Variants in PHF3 observed in about 807,000 individuals in gnomAD.
PHF3 encodes the protein PHD finger protein 3.
In PHF3, 41 loss-of-function variants were observed where a neutral mutation model predicts 178.4. The observed-to-expected ratio is 0.23, with a 90% CI of 0.18 to 0.30. The LOEUF is 0.30. PHF3 is among the 10% of genes least tolerant of loss of function. The pLI, the probability that PHF3 is intolerant of heterozygous loss-of-function variation, is 1.00. For missense variants in PHF3, 2,346 were observed against 2,398.1 expected (o/e 0.98, Z 0.45); for synonymous variants, 842 against 800.5 (o/e 1.05, Z -0.88).
At chr6:63,704,888 C>G (rs529479616) in intron 11 of PHF3, among the ~76,000 whole-genome samples, 18 of 152,078 alleles carry the variant, frequency 1.2e-4, no homozygotes, top group Admixed American at 6.6e-5. Context: ...TTTGCCTTCC[C>G]GCCAGCAATG....
Position 63,680,093 on chromosome 6 carries a change from A to G in PHF3, c.338A>G (p.Asn113Ser), listed in dbSNP as rs750907046. ...DEEELILPNR[N>S]LRDKVEENSV... ...GAAGAACTGATTTTACCTAACAGGA[A>G]CTTAAGGGACAAGGTAGAAGAAAAT... is the stretch of plus-strand genomic sequence containing the variant. Residue 113 changes from asparagine to serine, a missense_variant, in exon 3 of 16, where the codon AAC (asparagine) becomes AGC (serine). Transcript: ENST00000262043. The G allele has an allele frequency of 1.9e-6, 3 of 1,612,996 alleles. No individual in the cohort carries two copies. Among genetic ancestry groups the G allele is most frequent in the East Asian group, 2.2e-5 (1 of 44,816 alleles).
rs1263306088 is a variant in PHF3 at position 63,719,744 on chromosome 6, C to T, written c.*6036C>T. The stretch of plus-strand genomic sequence containing the variant: ...GTATAGACTTGAAAGCAGTTAAACA[C>T]AAATTAAGGTTAATTTTTTAATTTG... On this transcript the variant is annotated 3_prime_UTR_variant, in exon 16 of 16. Coordinates refer to ENST00000262043, the MANE Select transcript of PHF3 (RefSeq NM_001370348.2). Among the ~76,000 whole-genome samples the T allele has an allele frequency of 6.6e-6, 1 of 151,998 alleles. No homozygotes were observed. The highest frequency in any genetic ancestry group is 1.5e-5 in the Non-Finnish European group (1 of 67,942).
intron 1 of PHF3, 35 bp from the exon 2 acceptor site, chr6:63,646,492 T>A (rs1764789944): frequency 2.7e-6 from 4 of 1,468,832 alleles, no homozygotes. Context: ...ATTGATAGCT[T>A]TATTTCTTAT....
intron 2 of PHF3, among the ~76,000 whole-genome samples, chr6:63,652,878 C>T: frequency 6.6e-6 from 1 of 151,920 alleles, no homozygotes; most frequent in East Asian, 1.9e-4. Context: ...TTTTTCTGTT[C>T]CATTGGTGTG....
chr6:63,651,660 C>T (rs1036357460), intron 2 of PHF3, among the ~76,000 whole-genome samples: 3 of 152,164 alleles, frequency 2.0e-5, no homozygotes, highest in Non-Finnish European at 2.9e-5. Flanking sequence ...CTGTGCCCTG[C>T]CTAGTTGTGA....
chr6:63,720,952 T>A lies in PHF3; in HGVS notation c.*7244T>A. 7 of 1,551,360 alleles carry A rather than the reference T, an allele frequency of 4.5e-6. No homozygotes were observed. The highest frequency in any genetic ancestry group is 6.1e-6 in the Non-Finnish European group (7 of 1,146,778). On this transcript the variant is annotated 3_prime_UTR_variant, in exon 16 of 16. Transcript: ENST00000262043. Reference sequence around the variant, plus strand: ...TTATAGCTCATAGGCACAGAGATTCTTTCTCCCAAGTTAACTGCTATTTTC... The same window carrying A: ...TTATAGCTCATAGGCACAGAGATTCATTCTCCCAAGTTAACTGCTATTTTC...
chr6:63,670,074 G>C (rs1431758661), intron 2 of PHF3, among the ~76,000 whole-genome samples: 1 of 152,004 alleles, frequency 6.6e-6, no homozygotes, highest in Admixed American at 6.6e-5. Flanking sequence ...AGGAGACTGT[G>C]ATTCTTAGGC....
intron 4 of PHF3, 72 bp from the exon 5 acceptor site, chr6:63,691,665 T>C (rs1440562822): frequency 3.1e-6 from 4 of 1,280,474 alleles, no homozygotes; most frequent in Admixed American, 2.3e-5. Flanking sequence ...AAAATTTAAT[T>C]TAGCCTCATT....
rs188959310 is a variant in PHF3, at chr6:63,653,378, T to C, written c.244+6583T>C. 3.7e-3 allele frequency among the ~76,000 whole-genome samples: 563 copies of C among 151,918 alleles called. 4 individuals are homozygous for C. Among genetic ancestry groups the C allele is most frequent in the Admixed American group, 6.6e-3 (101 of 15,264 alleles). On this transcript the variant is annotated intron_variant, in intron 2 of 15. Transcript: ENST00000262043. ...TGTTCTCTTTAATTTCTGTTATTAG[T>C]TTTTTTTGTAGTTGTCCTTGCAGAG...
intron 2 of PHF3, among the ~76,000 whole-genome samples, chr6:63,671,171 G>A (rs1765900529): frequency 6.6e-6 from 1 of 151,838 alleles, no homozygotes; most frequent in Non-Finnish European, 1.5e-5. Context: ...ACATTCCAGG[G>A]ATCAGCAGTT....
At chr6:63,654,429 A>C (rs1448082759) in intron 2 of PHF3, among the ~76,000 whole-genome samples, 1 of 152,230 alleles carries the variant, frequency 6.6e-6, no homozygotes, top group African/African-American at 2.4e-5. Flanking sequence ...ATACCCTTTA[A>C]GAATAAAAAT....
At chr6:63,676,414 A>G (rs1766166876) in intron 2 of PHF3, among the ~76,000 whole-genome samples, 1 of 152,230 alleles carries the variant, frequency 6.6e-6, no homozygotes, top group South Asian at 2.1e-4. Flanking sequence ...GCTGTTTTGC[A>G]TAAGGTGGTT....
At chr6:63,690,876 G>A (rs1168178938) in intron 4 of PHF3, among the ~76,000 whole-genome samples, 1 of 152,110 alleles carries the variant, frequency 6.6e-6, no homozygotes, top group Non-Finnish European at 1.5e-5. Flanking sequence ...AAAGATAGAA[G>A]CTTTTTTAGA....
intron 2 of PHF3, among the ~76,000 whole-genome samples, chr6:63,655,426 T>G (rs1406012157): frequency 6.6e-6 from 1 of 152,232 alleles, no homozygotes; most frequent in Admixed American, 6.5e-5. Flanking sequence ...TTGCTTAGGC[T>G]GGTCTCAAAC....
chr6:63,669,827 C>T (rs1765833032), intron 2 of PHF3, among the ~76,000 whole-genome samples: 1 of 152,158 alleles, frequency 6.6e-6, no homozygotes, highest in Non-Finnish European at 1.5e-5. Context: ...GAGCAAGATA[C>T]ATTTTACTGC....
At position 63,706,095 on chromosome 6, in the gene PHF3, G is replaced by T. The variant is rs780862943; in HGVS notation, c.3434G>T (p.Arg1145Leu). ...GTAAAAGTTGTTGTAGGAGTAGCTCGCAAACATTCAGACAATGAAGCAGAA... is the reference window on the plus strand; with the variant it reads ...GTAAAAGTTGTTGTAGGAGTAGCTCTCAAACATTCAGACAATGAAGCAGAA... ...KKVKVVVGVA[R>L]KHSDNEAESI... The change falls in exon 12 of 16, where the codon CGC becomes CTC. Residue 1145 changes from arginine (R) to leucine (L), a missense_variant. Arg to Leu is a moderately radical substitution (Grantham distance 102, BLOSUM62 -2). This residue lies in a region of PHF3 where 205 missense variants were observed against 212.4 expected (regional missense o/e 0.97). Transcript: ENST00000262043. The T allele has an allele frequency of 4.3e-6, 7 of 1,613,678 alleles. No individual in the cohort carries two copies. Among genetic ancestry groups the T allele is most frequent in the East Asian group, 2.2e-5 (1 of 44,862 alleles).
In PHF3 at chr6:63,720,804, A is replaced by G; in HGVS notation, c.*7096A>G. 2 of 1,550,946 alleles carry G rather than the reference A, an allele frequency of 1.3e-6. No individual in the cohort carries two copies. Among genetic ancestry groups the G allele is most frequent in the Non-Finnish European group, 1.7e-6 (2 of 1,146,466 alleles). ...AATGCCATCATAGTTTAGAGCCACAAAGTTTTTATGTGGATCAATATCCTC... is the reference window on the plus strand; with the variant it reads ...AATGCCATCATAGTTTAGAGCCACAGAGTTTTTATGTGGATCAATATCCTC... On this transcript the variant is annotated 3_prime_UTR_variant, in exon 16 of 16. Coordinates refer to ENST00000262043, the MANE Select transcript of PHF3 (RefSeq NM_001370348.2).
chr6:63,661,588 C>G (rs1765467025), intron 2 of PHF3, among the ~76,000 whole-genome samples: 1 of 152,208 alleles, frequency 6.6e-6, no homozygotes, highest in East Asian at 1.9e-4. Context: ...AATATATATT[C>G]CAGTATGAGC....
Position 63,717,276 on chromosome 6 carries a change from T to C in PHF3, c.*3568T>C, listed in dbSNP as rs1003477068. ...TTAAAGTTTATGAACCAAACTTAAATGCATTATGAGAGCTTGATAATGAAC... is the reference window on the plus strand; with the variant it reads ...TTAAAGTTTATGAACCAAACTTAAACGCATTATGAGAGCTTGATAATGAAC... On this transcript the variant is annotated 3_prime_UTR_variant, in exon 16 of 16. Transcript: ENST00000262043. Among the ~76,000 whole-genome samples, 2 of 152,040 alleles carry C rather than the reference T, an allele frequency of 1.3e-5. No individual in the cohort carries two copies. Among genetic ancestry groups the C allele is most frequent in the African/African-American group, 2.4e-5 (1 of 41,418 alleles).
Sources: allele counts gnomAD v4.1 joint callset (sites outside exome capture counted in the v4.1 genomes callset), GRCh38; gene constraint gnomAD v4.1.1; regional missense constraint gnomAD v4.1.1; transcripts MANE v1.5; gene names NCBI Gene and HGNC (gene_info 2026-07-23, HGNC 2026-07-21).